ATP13A5: variants seen among roughly 807,000 people sequenced by gnomAD.
ATP13A5 encodes the protein ATPase 13A5, also known as probable cation-transporting ATPase 13A5.
A neutral mutation model predicts 150.2 loss-of-function variants in ATP13A5; 149 were observed. That is an observed-to-expected ratio of 0.99 (90% CI 0.87 to 1.14). The LOEUF (loss-of-function observed/expected upper bound fraction) is 1.14, where lower values mean the gene tolerates loss of function less well. Ranked by LOEUF, ATP13A5 falls within the 50% of genes most tolerant of loss-of-function variation. The pLI is 0.00. For missense variants in ATP13A5, 1,383 were observed against 1,449.3 expected, an observed-to-expected ratio of 0.95 and a Z score of 0.74; for synonymous variants, 497 against 522.2, an observed-to-expected ratio of 0.95 and a Z score of 0.66.
At chr3:193,292,527 C>G (rs892748772) in intron 25 of ATP13A5, among the ~76,000 whole-genome samples, 1 of 152,202 alleles carries the variant, frequency 6.6e-6, no homozygotes, top group African/African-American at 2.4e-5. Flanking sequence ...GCATAGACTT[C>G]AAGCATGCTT....
intron 10 of ATP13A5, among the ~76,000 whole-genome samples, chr3:193,334,631 G>A (rs1711775403): frequency 6.6e-6 from 1 of 152,180 alleles, no homozygotes; most frequent in Non-Finnish European, 1.5e-5. Flanking sequence ...TAATCACTCA[G>A]AGGAGGTGTC....
Position 193,363,332 on chromosome 3 carries a change from G to A in ATP13A5, c.288C>T (p.Ser96=), listed in dbSNP as rs925240876. Residue 96 remains serine (S), a synonymous_variant, in exon 3 of 30, where the codon TCC becomes TCT. Transcript: ENST00000342358. ...MRKKVFCLYL[S]TLKFPVSKKW... is the part of the protein sequence containing the mutation. The stretch of plus-strand genomic sequence containing the variant: ...TCTTGCTTACAGGAAACTTCAGTGT[G>A]GATAAGTAGAGGCAGAATACCTTCT... The A allele has an allele frequency of 6.2e-7, 1 of 1,613,704 alleles. No individual in the cohort carries two copies.
rs553472556 is a variant in ATP13A5 at position 193,342,043 on chromosome 3, G to A, written c.943+1884C>T. 6.6e-5 allele frequency among the ~76,000 whole-genome samples: 10 copies of A among 152,274 alleles called. No individual in the cohort carries two copies. The East Asian group carries it at 1.4e-3, about 21-fold the overall frequency. The stretch of plus-strand genomic sequence containing the variant: ...ATTCTGATCCTTTCACTTGCTAGCC[G>A]AGCAGCTCTGGTCTTTTTACCTCAC... On this transcript the variant is annotated intron_variant, in intron 9 of 29. Coordinates refer to ENST00000342358, the MANE Select transcript of ATP13A5 (RefSeq NM_198505.4).
intron 27 of ATP13A5, among the ~76,000 whole-genome samples, chr3:193,283,869 G>T (rs1251815980): frequency 6.7e-6 from 1 of 149,882 alleles, no homozygotes; most frequent in Non-Finnish European, 1.5e-5. Flanking sequence ...ATCTGGATAG[G>T]TATCATGTAT....
chr3:193,361,165 G>A (rs958137298), intron 5 of ATP13A5, among the ~76,000 whole-genome samples: 1 of 152,128 alleles, frequency 6.6e-6, no homozygotes, highest in African/African-American at 2.4e-5. Flanking sequence ...TACATGCCTT[G>A]TATTTAGTGC....
chr3:193,293,187 G>A (rs1389544296), intron 25 of ATP13A5, among the ~76,000 whole-genome samples: 2 of 152,026 alleles, frequency 1.3e-5, no homozygotes, highest in Non-Finnish European at 2.9e-5. Flanking sequence ...GCAGTATGAT[G>A]CATCTCAAAA....
At chr3:193,341,614 G>A (rs1712132627) in intron 9 of ATP13A5, among the ~76,000 whole-genome samples, 1 of 152,124 alleles carries the variant, frequency 6.6e-6, no homozygotes, top group Non-Finnish European at 1.5e-5. Flanking sequence ...GCAGGAAGAA[G>A]AGCTGCCCTC....
intron 21 of ATP13A5, 22 bp from the exon 22 acceptor site, chr3:193,307,391 G>A: frequency 6.2e-6 from 10 of 1,613,164 alleles, no homozygotes; most frequent in Non-Finnish European, 7.6e-6. Flanking sequence ...AGGAGAAGAA[G>A]GATTAATAGG....
intron 12 of ATP13A5, among the ~76,000 whole-genome samples, chr3:193,329,223 G>C (rs1323406111): frequency 1.3e-5 from 2 of 148,818 alleles, no homozygotes; most frequent in East Asian, 2.0e-4. Context: ...CCTGGTGACA[G>C]AGCGAGACTC....
At chr3:193,317,747 T>A (rs1719103901) in intron 17 of ATP13A5, among the ~76,000 whole-genome samples, 1 of 152,180 alleles carries the variant, frequency 6.6e-6, no homozygotes, top group Non-Finnish European at 1.5e-5. Context: ...CAAAAAAACC[T>A]GGAATGGTTG....
At chr3:193,364,034 C>T (rs1279961559) in intron 2 of ATP13A5, 73 bp downstream of exon 2, 2 of 1,459,062 alleles carry the variant, frequency 1.4e-6, no homozygotes, top group East Asian at 4.6e-5. Context: ...ATACCAGCCA[C>T]AGAGTTATGC....
At chr3:193,360,978 T>C (rs1003853737) in intron 5 of ATP13A5, among the ~76,000 whole-genome samples, 21 of 152,174 alleles carry the variant, frequency 1.4e-4, no homozygotes, top group Admixed American at 1.2e-3. Context: ...CGCCCAGTCA[T>C]GGATCAGATT....
chr3:193,366,200 A>G (rs1363881468), intron 1 of ATP13A5, among the ~76,000 whole-genome samples: 5 of 152,084 alleles, frequency 3.3e-5, no homozygotes, highest in African/African-American at 1.2e-4. Flanking sequence ...AACAAAGAAC[A>G]AGTAGAATAA....
chr3:193,314,822 C>T, intron 18 of ATP13A5, 150 bp downstream of exon 18: 1 of 957,624 alleles, frequency 1.0e-6, no homozygotes, highest in South Asian at 1.8e-5. Context: ...GGCAGCTGCA[C>T]ATGTTTTTAG....
At chr3:193,319,755 T>C (rs73074741) in intron 16 of ATP13A5, among the ~76,000 whole-genome samples, 14,569 of 138,850 alleles carry the variant, frequency 0.1, 1,076 homozygotes, top group African/African-American at 0.21. Flanking sequence ...AACAGCTGAT[T>C]TTCTAGATCA....
chr3:193,282,814 A>G (rs1264240407), intron 27 of ATP13A5, among the ~76,000 whole-genome samples: 3 of 152,236 alleles, frequency 2.0e-5, no homozygotes, highest in Non-Finnish European at 4.4e-5. Flanking sequence ...TAAGTTATAT[A>G]CCAATGTAAA....
chr3:193,316,318 T>C (rs1017828217), intron 17 of ATP13A5, among the ~76,000 whole-genome samples: 1 of 152,128 alleles, frequency 6.6e-6, no homozygotes, highest in Non-Finnish European at 1.5e-5. Flanking sequence ...TTCTTTTGGA[T>C]ATATACTCAG....
intron 27 of ATP13A5, among the ~76,000 whole-genome samples, chr3:193,282,036 A>AT (rs1717519848): frequency 6.6e-6 from 1 of 152,038 alleles, no homozygotes; most frequent in Non-Finnish European, 1.5e-5. Context: ...TCTACTAAAA[A>AT]TACAAAAAAA....
At chr3:193,327,723 A>C (rs7620522) in intron 12 of ATP13A5, among the ~76,000 whole-genome samples, 16,970 of 152,240 alleles carry the variant, frequency 0.11, 1,509 homozygotes, top group African/African-American at 0.25. Context: ...AATGGAGCCG[A>C]GTACTATCAC....
Sources: gnomAD v4.1 joint callset for allele counts (sites outside exome capture counted in the v4.1 genomes callset) on GRCh38, gnomAD v4.1.1 for gene constraint, MANE v1.5 for transcripts, NCBI Gene and HGNC (gene_info 2026-07-23, HGNC 2026-07-21) for gene names.